EARS2: variants seen among roughly 807,000 people sequenced by gnomAD.
EARS2 encodes nondiscriminating glutamyl-tRNA synthetase EARS2, mitochondrial.
EARS2 carries 50 observed loss-of-function variants against 54.1 expected under a neutral mutation model. That is an observed-to-expected ratio of 0.92 (90% CI 0.74 to 1.17). The LOEUF is 1.17. Among genes scored for constraint, EARS2 ranks in the 50% most tolerant of loss-of-function variants. EARS2 has a pLI of 0.00. For missense variants in EARS2, 673 were observed against 675.0 expected, an observed-to-expected ratio of 1.00 and a Z score of 0.03; for synonymous variants, 298 against 281.0, an observed-to-expected ratio of 1.06 and a Z score of -0.61.
intron 5 of EARS2, among the ~76,000 whole-genome samples, chr16:23,530,963 C>T (rs1300553873): frequency 1.3e-5 from 2 of 151,924 alleles, no homozygotes; most frequent in Non-Finnish European, 2.9e-5. Context: ...GTGATTTCGG[C>T]TCACTGCAAC....
In EARS2 at chr16:23,524,104, C is replaced by T. The variant is rs1442256961; in HGVS notation, c.*267G>A. On this transcript the variant is annotated 3_prime_UTR_variant, in exon 9 of 9. Transcript: ENST00000449606. Reference sequence around the variant, plus strand: ...ACTTTTCTGTGAACTAACTCCAAACCTCTGCTGTGTAATGTGTGAGAAACC... The same window carrying T: ...ACTTTTCTGTGAACTAACTCCAAACTTCTGCTGTGTAATGTGTGAGAAACC... The T allele has an allele frequency of 1.9e-6, 1 of 517,498 alleles. No homozygotes were observed. The highest frequency in any genetic ancestry group is 3.3e-5 in the East Asian group (1 of 30,282). The allele number at this position is 517,498 out of a possible 1,614,324, so 32.1% of individuals were successfully genotyped here. A position where few individuals can be genotyped will look rare whatever the true frequency, so the allele number is the denominator to read the frequency against.
Position 23,524,356 on chromosome 16 carries a change from C to T in EARS2, c.*15G>A, listed in dbSNP as rs200936622. 9 of 1,610,932 alleles carry T rather than the reference C, an allele frequency of 5.6e-6. No individual in the cohort carries two copies. The East Asian group carries it at 8.9e-5, about 16-fold the overall frequency. On this transcript the variant is annotated 3_prime_UTR_variant, in exon 9 of 9. Transcript: ENST00000449606. ...GGTTCTTAGGGCGATCTCCACTGCC[C>T]GAAACATCCTCTCCCTAGCTGGAAA...
At chr16:23,551,277 C>A (rs1965690028) in intron 2 of EARS2, among the ~76,000 whole-genome samples, 1 of 152,158 alleles carries the variant, frequency 6.6e-6, no homozygotes, top group Admixed American at 6.5e-5. Flanking sequence ...GTGTTTCCTG[C>A]CTGGCCCCTG....
intron 1 of EARS2, among the ~76,000 whole-genome samples, chr16:23,553,274 G>C (rs1476866456): frequency 6.6e-6 from 1 of 151,988 alleles, no homozygotes; most frequent in Non-Finnish European, 1.5e-5. Context: ...TTATTAAAAG[G>C]CTCCAATTTT....
In EARS2 at chr16:23,521,660, A is replaced by G. The variant is rs1221944153; in HGVS notation, c.*2711T>C. 4.5e-6 allele frequency: 2 copies of G among 445,232 alleles called. No homozygotes were observed. Among genetic ancestry groups the G allele is most frequent in the Non-Finnish European group, 9.1e-6 (2 of 220,256 alleles). The allele number at this position is 445,232 out of a possible 1,614,324, so 27.6% of individuals were successfully genotyped here. ...GACAAGCCTACCACCTTTGCCTCACAAAGCATTAGGACGTATTTGTCCTTT... is the reference window on the plus strand; with the variant it reads ...GACAAGCCTACCACCTTTGCCTCACGAAGCATTAGGACGTATTTGTCCTTT... On this transcript the variant is annotated 3_prime_UTR_variant, in exon 9 of 9. Transcript: ENST00000449606.
chr16:23,532,627 C>T (rs1965344543), intron 5 of EARS2, 30 bp downstream of exon 5: 1 of 1,563,122 alleles, frequency 6.4e-7, no homozygotes, highest in African/African-American at 1.4e-5. Context: ...AGCCCTTTGC[C>T]ACCAGGGGAT....
At chr16:23,534,430 T>C (rs1454321341) in intron 4 of EARS2, among the ~76,000 whole-genome samples, 1 of 152,192 alleles carries the variant, frequency 6.6e-6, no homozygotes, top group Non-Finnish European at 1.5e-5. Flanking sequence ...CATCTGGCAG[T>C]AAAATGAAGA....
chr16:23,532,794 G>A, intron 4 of EARS2, 29 bp from the exon 5 acceptor site: 1 of 1,493,378 alleles, frequency 6.7e-7, no homozygotes, highest in Non-Finnish European at 9.3e-7. Flanking sequence ...CAGCCACTCA[G>A]CTTCCTCTCT....
chr16:23,529,743 C>A lies in EARS2; in HGVS notation c.1221+1G>T. ...AGCTTCCCAGAATCCTGACACCACA[C>A]CTGTCTCAGCAGGAGGATCCTCTCC... is the stretch of plus-strand genomic sequence containing the variant. On this transcript the variant is annotated splice_donor_variant, in intron 6 of 8. Transcript: ENST00000449606. LOFTEE classifies it high-confidence loss of function. 2 of 1,614,168 alleles carry A rather than the reference C, an allele frequency of 1.2e-6. No individual in the cohort carries two copies. The highest frequency in any genetic ancestry group is 1.7e-6 in the Non-Finnish European group (2 of 1,180,016).
intron 2 of EARS2, chr16:23,546,318 T>C (rs1295289933): frequency 2.0e-5 from 9 of 444,970 alleles, no homozygotes; most frequent in Non-Finnish European, 3.1e-5. Context: ...ATAAGGACAT[T>C]GTTCACCTTG....
intron 3 of EARS2, among the ~76,000 whole-genome samples, chr16:23,539,178 C>G (rs145515012): frequency 6.6e-4 from 100 of 152,092 alleles, no homozygotes; most frequent in African/African-American, 2.3e-3. Context: ...GGTTTCACCA[C>G]GTTGCCCAGG....
intron 4 of EARS2, among the ~76,000 whole-genome samples, chr16:23,533,332 G>C (rs929964760): frequency 6.6e-6 from 1 of 151,964 alleles, no homozygotes; most frequent in Non-Finnish European, 1.5e-5. Flanking sequence ...TGTAGACATG[G>C]AGTTTCACTA....
intron 1 of EARS2, chr16:23,553,170 G>A (rs1965724175): frequency 1.0e-5 from 2 of 190,838 alleles, no homozygotes; most frequent in Non-Finnish European, 2.3e-5. Context: ...TTTTTTCAAA[G>A]ACTAAGAACT....
intron 2 of EARS2, among the ~76,000 whole-genome samples, chr16:23,545,591 C>G (rs1965590294): frequency 6.6e-6 from 1 of 152,188 alleles, no homozygotes; most frequent in African/African-American, 2.4e-5. Flanking sequence ...GGGGCACGAT[C>G]AGCTTCAAAC....
chr16:23,556,374 GAC>G (rs1392645334), intron 1 of EARS2, among the ~76,000 whole-genome samples: 11 of 152,156 alleles, frequency 7.2e-5, no homozygotes, highest in African/African-American at 2.6e-4. Flanking sequence ...TTGTTTTTGA[GAC>G]ACAGTTTCGC....
At chr16:23,549,445 G>C (rs567979285) in intron 2 of EARS2, among the ~76,000 whole-genome samples, 112 of 152,214 alleles carry the variant, frequency 7.4e-4, no homozygotes, top group Non-Finnish European at 1.1e-3. Flanking sequence ...AGGCCCAAGC[G>C]AGGCCCCGAC....
chr16:23,557,051 TCA>T (rs1301799390), intron 1 of EARS2, 152 bp downstream of exon 1: 1 of 1,147,576 alleles, frequency 8.7e-7, no homozygotes, highest in South Asian at 1.4e-5. Flanking sequence ...CTCCTGCACC[TCA>T]GTTTCCGCCT....
chr16:23,543,545 C>A (rs1361410121), intron 3 of EARS2, among the ~76,000 whole-genome samples: 4 of 151,750 alleles, frequency 2.6e-5, no homozygotes, highest in African/African-American at 9.7e-5. Context: ...GTTGGCCTGG[C>A]CAACACAGTG....
intron 4 of EARS2, among the ~76,000 whole-genome samples, chr16:23,533,564 T>C (rs1367909879): frequency 6.6e-6 from 1 of 152,202 alleles, no homozygotes; most frequent in Non-Finnish European, 1.5e-5. Flanking sequence ...AGCTTTCATT[T>C]TCAGAAAGGG....
Sources: allele counts gnomAD v4.1 joint callset (sites outside exome capture counted in the v4.1 genomes callset), GRCh38; gene constraint gnomAD v4.1.1; transcripts MANE v1.5; gene names NCBI Gene and HGNC (gene_info 2026-07-23, HGNC 2026-07-21).